The following ADCY1 variants were observed in gnomAD, a reference collection of about 807,000 sequenced individuals.
ADCY1 encodes adenylate cyclase type 1.
Under a neutral mutation model 105.4 loss-of-function variants are expected in ADCY1, and 28 were observed. That is an observed-to-expected ratio of 0.27 (90% CI 0.20 to 0.36). The LOEUF is 0.36. Ranked by LOEUF, ADCY1 falls within the 10% of genes least tolerant of loss-of-function variation. The pLI is 1.00. For synonymous variants in ADCY1, 655 were observed against 623.8 expected (o/e 1.05, Z -0.75); for missense variants, 977 against 1,434.2 (o/e 0.68, Z 5.15).
intron 14 of ADCY1, among the ~76,000 whole-genome samples, chr7:45,698,074 C>A (rs1784919954): frequency 6.6e-6 from 1 of 152,054 alleles, no homozygotes; most frequent in South Asian, 2.1e-4. Context: ...CTTTTTATTT[C>A]TTGGAAAGAG....
intron 2 of ADCY1, among the ~76,000 whole-genome samples, chr7:45,603,910 C>G (rs550795671): frequency 6.6e-6 from 1 of 152,080 alleles, no homozygotes; most frequent in African/African-American, 2.4e-5. Flanking sequence ...TACTAAGTGG[C>G]ATTCTATGGT....
intron 14 of ADCY1, among the ~76,000 whole-genome samples, chr7:45,700,024 C>T (rs1210682431): frequency 6.6e-6 from 1 of 152,142 alleles, no homozygotes; most frequent in Non-Finnish European, 1.5e-5. Flanking sequence ...CCTCTTTGTC[C>T]CTGAAAGTCA....
chr7:45,706,197 C>G (rs1785113617), intron 17 of ADCY1, among the ~76,000 whole-genome samples: 1 of 152,054 alleles, frequency 6.6e-6, no homozygotes, highest in Non-Finnish European at 1.5e-5. Context: ...ACAAAATGAT[C>G]CTAAGTTTTT....
chr7:45,655,500 C>T (rs1446385201), intron 5 of ADCY1, among the ~76,000 whole-genome samples: 3 of 152,212 alleles, frequency 2.0e-5, no homozygotes, highest in South Asian at 2.1e-4. Flanking sequence ...TAGACGAAGC[C>T]AGCTTGGGCA....
Position 45,580,996 on chromosome 7 carries a change from C to T in ADCY1, c.639+5814C>T, listed in dbSNP as rs185852821. ...GATCAACTCCTTAGGTTCACAGGTT[C>T]CTGCAGATGCCCAGAAATGTCCTTG... On this transcript the variant is annotated intron_variant, in intron 1 of 19. Coordinates refer to ENST00000297323, the MANE Select transcript of ADCY1 (RefSeq NM_021116.4). Among the ~76,000 whole-genome samples the T allele has an allele frequency of 5.9e-5, 9 of 152,264 alleles. No individual in the cohort carries two copies. In the East Asian group the frequency reaches 1.7e-3, roughly 29 times the overall value.
chr7:45,662,219 G>A lies in ADCY1; in HGVS notation c.1605+5G>A. 6.2e-7 allele frequency: 1 copy of A among 1,611,070 alleles called. No homozygotes were observed. Among genetic ancestry groups the A allele is most frequent in the Non-Finnish European group, 8.5e-7 (1 of 1,179,102 alleles). On this transcript the variant is annotated splice_donor_5th_base_variant and intron_variant, in intron 8 of 19. Transcript: ENST00000297323. ...ACCTGCGAGGACGATGACAAGGTAG[G>A]AGCAGCCAGGGAGCCTGCCATGCTG...
chr7:45,700,705 G>T (rs1188931668), intron 14 of ADCY1, among the ~76,000 whole-genome samples: 2 of 152,216 alleles, frequency 1.3e-5, no homozygotes, highest in Non-Finnish European at 2.9e-5. Context: ...TGTGTCACTT[G>T]CAGGAGGGAG....
intron 14 of ADCY1, among the ~76,000 whole-genome samples, chr7:45,697,855 C>T (rs1255927081): frequency 6.6e-6 from 1 of 152,204 alleles, no homozygotes; most frequent in Non-Finnish European, 1.5e-5. Context: ...GTAAAGACTT[C>T]ATTGTCAGAA....
intron 14 of ADCY1, among the ~76,000 whole-genome samples, chr7:45,698,736 T>A (rs1033013361): frequency 6.6e-5 from 10 of 152,176 alleles, no homozygotes; most frequent in African/African-American, 2.4e-4. Flanking sequence ...TGTGTTCATG[T>A]TATGTGGTCC....
intron 11 of ADCY1, chr7:45,680,515 A>T (rs1281942646): frequency 6.6e-6 from 1 of 152,300 alleles, no homozygotes; most frequent in Non-Finnish European, 1.5e-5. Flanking sequence ...TGGCAGACCC[A>T]GTGTTATATT....
intron 5 of ADCY1, among the ~76,000 whole-genome samples, chr7:45,653,291 C>T (rs2116081623): frequency 6.6e-6 from 1 of 152,316 alleles, no homozygotes; most frequent in Admixed American, 6.5e-5. Flanking sequence ...GACATCCTGT[C>T]TCTGAGCCCA....
intron 14 of ADCY1, among the ~76,000 whole-genome samples, chr7:45,694,272 A>T: frequency 6.6e-6 from 1 of 152,234 alleles, no homozygotes. Context: ...GATTCAAATC[A>T]TACAAAGTAT....
intron 3 of ADCY1, among the ~76,000 whole-genome samples, chr7:45,618,999 G>A (rs1344870334): frequency 1.3e-5 from 2 of 152,078 alleles, no homozygotes; most frequent in Non-Finnish European, 2.9e-5. Context: ...GAGAGAATGT[G>A]GTATATTTAC....
In ADCY1 at chr7:45,592,803, G is replaced by A. The variant is rs765818734; in HGVS notation, c.684G>A (p.Gly228=). The change falls in exon 2 of 20, where the codon GGG becomes GGA. Residue 228 remains glycine (G), a synonymous_variant. Transcript: ENST00000297323. ...ALLFVGVNMY[G]VFVRILTERS... ...TCTTCGTCGGTGTGAACATGTATGG[G>A]GTCTTTGTGCGGATTCTGACTGAGC... is the stretch of plus-strand genomic sequence containing the variant. 9 of 1,614,106 alleles carry A rather than the reference G, an allele frequency of 5.6e-6. No individual in the cohort carries two copies. In the African/African-American group the frequency reaches 9.3e-5, roughly 17 times the overall value.
At chr7:45,696,331 C>T (rs913100407) in intron 14 of ADCY1, among the ~76,000 whole-genome samples, 22 of 149,422 alleles carry the variant, frequency 1.5e-4, no homozygotes, top group East Asian at 8.1e-4. Context: ...CCCAGCTCCT[C>T]GGGAAGCTGA....
intron 2 of ADCY1, among the ~76,000 whole-genome samples, chr7:45,593,115 G>A (rs1489892005): frequency 2.6e-5 from 4 of 152,220 alleles, no homozygotes; most frequent in Admixed American, 2.6e-4. Context: ...CTGCCCATGG[G>A]ATAGTGTTGG....
chr7:45,599,614 C>G (rs1358787180), intron 2 of ADCY1, among the ~76,000 whole-genome samples: 3 of 149,380 alleles, frequency 2.0e-5, no homozygotes, highest in African/African-American at 5.0e-5. Flanking sequence ...TGTGGGTACC[C>G]AGTTGTTTGC....
chr7:45,628,214 C>T (rs572847036), intron 4 of ADCY1, among the ~76,000 whole-genome samples: 11 of 152,330 alleles, frequency 7.2e-5, no homozygotes, highest in Admixed American at 2.0e-4. Context: ...AGCTTGTGCT[C>T]GTATACAGGC....
intron 5 of ADCY1, among the ~76,000 whole-genome samples, chr7:45,655,823 C>T (rs143727071): frequency 3.3e-5 from 5 of 152,056 alleles, no homozygotes; most frequent in East Asian, 1.9e-4. Flanking sequence ...TTCATGGCTT[C>T]GGAGGCACAA....
Sources: allele counts gnomAD v4.1 joint callset (sites outside exome capture counted in the v4.1 genomes callset), GRCh38; gene constraint gnomAD v4.1.1; transcripts MANE v1.5; gene names NCBI Gene and HGNC (gene_info 2026-07-23, HGNC 2026-07-21).